The following PCDHAC1 variants were observed in gnomAD, a reference collection of about 807,000 sequenced individuals.
PCDHAC1 encodes the protein protocadherin alpha subfamily C, 1.
PCDHAC1 carries 42 observed loss-of-function variants against 60.0 expected under a neutral mutation model. That is an observed-to-expected ratio of 0.70 (90% confidence interval 0.55 to 0.90). PCDHAC1 has a LOEUF of 0.90. PCDHAC1 is among the 40% of genes least tolerant of loss of function. The pLI is 0.00. For missense variants in PCDHAC1, 1,160 were observed against 1,222.3 expected (o/e 0.95, Z 0.76); for synonymous variants, 468 against 499.3 (o/e 0.94, Z 0.84).
intron 1 of PCDHAC1, chr5:140,967,558 C>G (rs1554229674): frequency 6.2e-7 from 1 of 1,614,050 alleles, no homozygotes; most frequent in South Asian, 1.1e-5. Flanking sequence ...CTTATCGCGT[C>G]CAGCTACGGG....
rs2086150778 is a variant in PCDHAC1, at chr5:140,929,428, G to C, written c.2433+103G>C. ...AGCCTTTCACAACATTTCATCAATT[G>C]AACTAAACACTCCTTCTTAGCACTT... On this transcript the variant is annotated intron_variant, in intron 1 of 3. Coordinates refer to ENST00000253807, the MANE Select transcript of PCDHAC1 (RefSeq NM_018898.5). 4 of 1,491,484 alleles carry C rather than the reference G, an allele frequency of 2.7e-6. No homozygotes were observed. The East Asian group carries it at 6.9e-5, about 26-fold the overall frequency. 92.4% of individuals were successfully genotyped at this position (1,491,484 alleles called of 1,614,324 possible). A position where few individuals can be genotyped will look rare whatever the true frequency, so the allele number is the denominator to read the frequency against.
chr5:140,969,225 C>G (rs782766938), intron 1 of PCDHAC1: 13 of 1,614,118 alleles, frequency 8.1e-6, no homozygotes, highest in Admixed American at 1.7e-5. Flanking sequence ...CCAGGGCCTT[C>G]GGGAGCCCAA....
At chr5:140,982,191 T>C (rs1431582069) in intron 2 of PCDHAC1, among the ~76,000 whole-genome samples, 2 of 152,266 alleles carry the variant, frequency 1.3e-5, no homozygotes, top group Non-Finnish European at 2.9e-5. Flanking sequence ...ATGGGCTTCC[T>C]GTTAGATTTA....
At chr5:140,989,777 A>G (rs1406464822) in intron 3 of PCDHAC1, among the ~76,000 whole-genome samples, 2 of 152,230 alleles carry the variant, frequency 1.3e-5, no homozygotes, top group African/African-American at 4.8e-5. Context: ...AGCACTGGCT[A>G]GAGACTAGAG....
chr5:140,939,340 A>G (rs1337369012), intron 1 of PCDHAC1, among the ~76,000 whole-genome samples: 1 of 152,178 alleles, frequency 6.6e-6, no homozygotes, highest in Non-Finnish European at 1.5e-5. Flanking sequence ...AGGGGTTAGC[A>G]TTTCAACTTA....
chr5:141,010,499 T>C lies in PCDHAC1; in HGVS notation c.*562T>C. ...GTGTAAACTTAAAGGGACCAGACTTTCTAAATCTTACAACTCAAGAGGTGG... is the reference window on the plus strand; with the variant it reads ...GTGTAAACTTAAAGGGACCAGACTTCCTAAATCTTACAACTCAAGAGGTGG... On this transcript the variant is annotated 3_prime_UTR_variant, in exon 4 of 4. Coordinates refer to ENST00000253807, the MANE Select transcript of PCDHAC1 (RefSeq NM_018898.5). 1.7e-6 allele frequency: 1 copy of C among 586,170 alleles called. No individual in the cohort carries two copies. Among genetic ancestry groups the C allele is most frequent in the Non-Finnish European group, 2.7e-6 (1 of 372,458 alleles). 36.3% of individuals were successfully genotyped at this position (586,170 alleles called of 1,614,324 possible).
At chr5:140,973,833 T>C (rs1332537198) in intron 1 of PCDHAC1, among the ~76,000 whole-genome samples, 1 of 152,242 alleles carries the variant, frequency 6.6e-6, no homozygotes, top group Non-Finnish European at 1.5e-5. Context: ...TCTGGGTACT[T>C]GCTTGTTGCC....
chr5:140,927,446 T>C lies in PCDHAC1; in HGVS notation c.554T>C (p.Leu185Ser), dbSNP rs1554204540. 6.2e-7 allele frequency: 1 copy of C among 1,614,128 alleles called. No individual in the cohort carries two copies. Among genetic ancestry groups the C allele is most frequent in the Non-Finnish European group, 8.5e-7 (1 of 1,180,026 alleles). Reference sequence around the variant, plus strand: ...GTTGACGGCAGCGAATACCCGGAGTTGGTGTTGGAGAAAGCACTGGATCGC... The same window carrying C: ...GTTGACGGCAGCGAATACCCGGAGTCGGTGTTGGAGAAAGCACTGGATCGC... ...SRVDGSEYPE[L>S]VLEKALDREQ... Residue 185 changes from leucine (L) to serine (S), a missense_variant, in exon 1 of 4, where the codon TTG becomes TCG. Physicochemically the swap from Leu to Ser is moderately radical, Grantham distance 145. Coordinates refer to ENST00000253807, the MANE Select transcript of PCDHAC1 (RefSeq NM_018898.5).
intron 1 of PCDHAC1, 139 bp from the exon 2 acceptor site, chr5:140,978,808 TAG>T: frequency 6.7e-7 from 1 of 1,496,146 alleles, no homozygotes; most frequent in Non-Finnish European, 8.9e-7. Flanking sequence ...GATATCATCA[TAG>T]AGTTACACAT....
chr5:140,982,689 T>A, intron 3 of PCDHAC1, 126 bp downstream of exon 3: 1 of 1,413,688 alleles, frequency 7.1e-7, no homozygotes, highest in Non-Finnish European at 9.3e-7. Context: ...CTTTTTTCCA[T>A]ACATACATGA....
In PCDHAC1 at chr5:140,928,238, A is replaced by T. The variant is rs147430561; in HGVS notation, c.1346A>T (p.Gln449Leu). 3 of 1,614,188 alleles carry T rather than the reference A, an allele frequency of 1.9e-6. No individual in the cohort carries two copies. The highest frequency in any genetic ancestry group is 2.5e-6 in the Non-Finnish European group (3 of 1,180,028). Reference protein sequence around the residue: ...NDNTPNFPQPQQELFVAENNG... With the variant: ...NDNTPNFPQPLQELFVAENNG... ...AATACACCAAACTTTCCTCAACCCC[A>T]GCAGGAACTTTTCGTTGCTGAAAAC... Residue 449 changes from glutamine to leucine, a missense_variant, in exon 1 of 4, where the codon CAG becomes CTG. This residue lies in a region of PCDHAC1 where 1,113 missense variants were observed against 1,163.7 expected (regional missense o/e 0.96). Transcript: ENST00000253807.
chr5:141,010,408 A>G lies in PCDHAC1; in HGVS notation c.*471A>G. 1 of 1,251,364 alleles carries G rather than the reference A, an allele frequency of 8.0e-7. No homozygotes were observed. Among genetic ancestry groups the G allele is most frequent in the Non-Finnish European group, 1.1e-6 (1 of 926,828 alleles). 77.5% of individuals were successfully genotyped at this position (1,251,364 alleles called of 1,614,324 possible). ...GGCTGAGACGAGCCAGCTTAGACTA[A>G]TTGGTACAAGGAAGGCAAGAAAACA... On this transcript the variant is annotated 3_prime_UTR_variant, in exon 4 of 4. Transcript: ENST00000253807.
intron 1 of PCDHAC1, among the ~76,000 whole-genome samples, chr5:140,962,829 C>CT (rs1342441888): frequency 6.6e-6 from 1 of 152,190 alleles, no homozygotes; most frequent in East Asian, 1.9e-4. Flanking sequence ...CCATTTGTCT[C>CT]TTTTTTATTA....
chr5:140,983,518 C>T (rs1417635641), intron 3 of PCDHAC1, among the ~76,000 whole-genome samples: 1 of 152,130 alleles, frequency 6.6e-6, no homozygotes, highest in African/African-American at 2.4e-5. Context: ...AGACACTGTG[C>T]CAAGTACATT....
chr5:140,988,694 C>T (rs1328459106), intron 3 of PCDHAC1, among the ~76,000 whole-genome samples: 1 of 152,180 alleles, frequency 6.6e-6, no homozygotes, highest in Non-Finnish European at 1.5e-5. Flanking sequence ...CCTAGACGCT[C>T]TGTATTTTCT....
Position 141,011,309 on chromosome 5 carries a change from A to G in PCDHAC1, c.*1372A>G, listed in dbSNP as rs374038361. On this transcript the variant is annotated 3_prime_UTR_variant, in exon 4 of 4. Coordinates refer to ENST00000253807, the MANE Select transcript of PCDHAC1 (RefSeq NM_018898.5). ...CTTTTCTATAACACTCTGAATTGCTAATCTTACTAACACCTATGATGTTAC... is the reference window on the plus strand; with the variant it reads ...CTTTTCTATAACACTCTGAATTGCTGATCTTACTAACACCTATGATGTTAC... 9.8e-5 allele frequency: 15 copies of G among 153,742 alleles called. No homozygotes were observed. The highest frequency in any genetic ancestry group is 1.9e-4 in the Non-Finnish European group (13 of 68,036). 9.5% of individuals were successfully genotyped at this position (153,742 alleles called of 1,614,324 possible). A position where few individuals can be genotyped will look rare whatever the true frequency, so the allele number is the denominator to read the frequency against.
At chr5:140,962,431 A>G (rs782205198) in intron 1 of PCDHAC1, among the ~76,000 whole-genome samples, 2 of 152,126 alleles carry the variant, frequency 1.3e-5, no homozygotes, top group Non-Finnish European at 2.9e-5. Flanking sequence ...ATTGTTACTT[A>G]TCCAAAGATG....
intron 2 of PCDHAC1, 96 bp from the exon 3 acceptor site, chr5:140,982,379 C>T (rs959359344): frequency 1.4e-5 from 22 of 1,575,004 alleles, no homozygotes; most frequent in South Asian, 3.5e-5. Context: ...TAGCTGCAGC[C>T]CTGGCTTCAT....
At chr5:140,989,894 T>C (rs907697062) in intron 3 of PCDHAC1, among the ~76,000 whole-genome samples, 7 of 151,812 alleles carry the variant, frequency 4.6e-5, no homozygotes, top group Admixed American at 3.3e-4. Context: ...GTCTCCGTTA[T>C]TCACAATCAG....
Sources: gnomAD v4.1 joint callset for allele counts (sites outside exome capture counted in the v4.1 genomes callset) on GRCh38, gnomAD v4.1.1 for gene constraint, gnomAD v4.1.1 regional missense constraint, MANE v1.5 for transcripts, NCBI Gene and HGNC (gene_info 2026-07-23, HGNC 2026-07-21) for gene names.